CA10: variants seen among roughly 807,000 people sequenced by gnomAD.
CA10 encodes carbonic anhydrase-related protein 10.
In CA10, 14 loss-of-function variants were observed where a neutral mutation model predicts 44.2. The observed-to-expected ratio is 0.32, with a 90% CI of 0.21 to 0.50. CA10 has a LOEUF of 0.50. Among genes scored for constraint, CA10 ranks in the 20% least tolerant of loss-of-function variants. The pLI is 0.99. For missense variants in CA10, 350 were observed against 409.7 expected, an observed-to-expected ratio of 0.85 and a Z score of 1.26; for synonymous variants, 159 against 141.6, an observed-to-expected ratio of 1.12 and a Z score of -0.87.
chr17:51,653,570 C>T, intron 5 of CA10, 71 bp downstream of exon 5: 1 of 878,820 alleles, frequency 1.1e-6, no homozygotes, highest in South Asian at 1.3e-5. Context: ...CTAACTCCAA[C>T]AGAGACCGTA....
At chr17:51,682,827 G>A (rs181723698) in intron 4 of CA10, among the ~76,000 whole-genome samples, 6 of 152,282 alleles carry the variant, frequency 3.9e-5, no homozygotes, top group Admixed American at 3.3e-4. Context: ...CGTTGATGAA[G>A]GGCTCCTCTG....
At chr17:52,056,549 CT>C (rs1326053988) in intron 2 of CA10, among the ~76,000 whole-genome samples, 2 of 152,028 alleles carry the variant, frequency 1.3e-5, no homozygotes, top group Non-Finnish European at 2.9e-5. Flanking sequence ...TATAGTTTAT[CT>C]TTTTTAAGAC....
intron 5 of CA10, among the ~76,000 whole-genome samples, chr17:51,651,665 C>T (rs1033995438): frequency 3.9e-5 from 6 of 152,198 alleles, no homozygotes; most frequent in African/African-American, 1.2e-4. Context: ...GTGAAACACA[C>T]CAGTAATTTG....
intron 3 of CA10, among the ~76,000 whole-genome samples, chr17:51,925,440 A>C (rs1181876160): frequency 1.3e-5 from 2 of 152,008 alleles, no homozygotes; most frequent in African/African-American, 2.4e-5. Flanking sequence ...AAAAAAAAAA[A>C]CAACAAGTTT....
chr17:51,911,963 T>C (rs1981806780), intron 3 of CA10, among the ~76,000 whole-genome samples: 1 of 152,178 alleles, frequency 6.6e-6, no homozygotes, highest in East Asian at 1.9e-4. Flanking sequence ...TGGTTAAATG[T>C]ATGACAAATT....
chr17:51,756,185 C>T (rs906331083), intron 3 of CA10, among the ~76,000 whole-genome samples: 1 of 152,074 alleles, frequency 6.6e-6, no homozygotes, highest in Admixed American at 6.6e-5. Context: ...TCCACAACAG[C>T]GGCTTGACTG....
At chr17:51,871,050 C>CTTTT (rs56319440) in intron 3 of CA10, among the ~76,000 whole-genome samples, 3 of 94,852 alleles carry the variant, frequency 3.2e-5, no homozygotes, top group African/African-American at 7.2e-5. Context: ...TCCCACTTTA[C>CTTTT]TTTTTTTTTT....
chr17:51,940,731 G>C (rs1248876163), intron 2 of CA10, among the ~76,000 whole-genome samples: 2 of 150,742 alleles, frequency 1.3e-5, no homozygotes, highest in African/African-American at 4.9e-5. Context: ...TCAAAACTCA[G>C]GTTGTTCTGG....
chr17:51,998,250 G>A (rs1217619084), intron 2 of CA10, among the ~76,000 whole-genome samples: 1 of 152,024 alleles, frequency 6.6e-6, no homozygotes, highest in Non-Finnish European at 1.5e-5. Flanking sequence ...TCTCATGGGA[G>A]TAAATGAAGG....
At position 52,018,549 on chromosome 17, in the gene CA10, A is replaced by G. The variant is rs548198402; in HGVS notation, c.136+53770T>C. Among the ~76,000 whole-genome samples, 11 of 152,172 alleles carry G rather than the reference A, an allele frequency of 7.2e-5. No homozygotes were observed. The East Asian group carries it at 2.1e-3, about 30-fold the overall frequency. ...TCTTTTGGCCAATTTATCCCTTTTG[A>G]AATAGAAATGTTTACTCAATGCCTG... On this transcript the variant is annotated intron_variant, in intron 2 of 8. Coordinates refer to ENST00000451037, the MANE Select transcript of CA10 (RefSeq NM_020178.5).
intron 3 of CA10, among the ~76,000 whole-genome samples, chr17:51,797,901 T>G (rs1598050130): frequency 7.6e-6 from 1 of 130,924 alleles, no homozygotes. Flanking sequence ...TTGACAAGAG[T>G]AGCTAATCTA....
intron 3 of CA10, among the ~76,000 whole-genome samples, chr17:51,806,493 T>C (rs982447394): frequency 2.6e-5 from 4 of 152,088 alleles, no homozygotes; most frequent in African/African-American, 9.7e-5. Flanking sequence ...ACTGAACAAG[T>C]AAATTAATGG....
chr17:52,100,243 G>T (rs897470196), intron 1 of CA10, among the ~76,000 whole-genome samples: 1 of 152,148 alleles, frequency 6.6e-6, no homozygotes, highest in Non-Finnish European at 1.5e-5. Context: ...AAAGGACCGG[G>T]ATCCAGACCA....
intron 4 of CA10, among the ~76,000 whole-genome samples, chr17:51,685,176 T>A (rs566700614): frequency 6.6e-6 from 1 of 152,206 alleles, no homozygotes; most frequent in African/African-American, 2.4e-5. Flanking sequence ...CCCAGCTTGA[T>A]TAGAGATAGC....
At chr17:51,685,879 T>A (rs962546309) in intron 4 of CA10, among the ~76,000 whole-genome samples, 1 of 152,204 alleles carries the variant, frequency 6.6e-6, no homozygotes, top group Non-Finnish European at 1.5e-5. Context: ...GGAATACAAA[T>A]GGCCTGACAC....
At chr17:51,817,612 C>T (rs1428486497) in intron 3 of CA10, among the ~76,000 whole-genome samples, 1 of 152,168 alleles carries the variant, frequency 6.6e-6, no homozygotes, top group Non-Finnish European at 1.5e-5. Context: ...GCCCCTTTGT[C>T]ACTTGCTTGA....
intron 2 of CA10, 152 bp downstream of exon 2, chr17:52,072,167 C>T (rs924949752): frequency 1.2e-5 from 7 of 566,084 alleles, no homozygotes; most frequent in Non-Finnish European, 2.2e-5. Flanking sequence ...AATCTAATTG[C>T]CTGTTACTTA....
At chr17:51,674,972 CGCT>C (rs1364882030) in intron 4 of CA10, among the ~76,000 whole-genome samples, 2 of 152,144 alleles carry the variant, frequency 1.3e-5, no homozygotes, top group Admixed American at 1.3e-4. Context: ...AAGAAAATTG[CGCT>C]GCTGTCATTA....
chr17:51,859,779 G>A lies in CA10; in HGVS notation c.279+71211C>T, dbSNP rs575977126. ...GCAAAAGGGCATTGTAAAGTATAAAGAGCCACATAGATGTTATTATAACTT... is the reference window on the plus strand; with the variant it reads ...GCAAAAGGGCATTGTAAAGTATAAAAAGCCACATAGATGTTATTATAACTT... On this transcript the variant is annotated intron_variant, in intron 3 of 8. Transcript: ENST00000451037. Among the ~76,000 whole-genome samples the A allele has an allele frequency of 2.0e-5, 3 of 152,260 alleles. No individual in the cohort carries two copies. In the East Asian group the frequency reaches 5.8e-4, roughly 29 times the overall value.
Sources: allele counts gnomAD v4.1 joint callset (sites outside exome capture counted in the v4.1 genomes callset), GRCh38; gene constraint gnomAD v4.1.1; transcripts MANE v1.5; gene names NCBI Gene and HGNC (gene_info 2026-07-23, HGNC 2026-07-21).